Variants in AGBL4 observed in about 807,000 individuals in gnomAD.
The protein encoded by AGBL4 is AGBL carboxypeptidase 4, also known as cytosolic carboxypeptidase 6.
Under a neutral mutation model 66.4 loss-of-function variants are expected in AGBL4, and 58 were observed. The observed-to-expected ratio is 0.87, with a 90% CI of 0.71 to 1.09. The LOEUF (loss-of-function observed/expected upper bound fraction) is 1.09, where lower values mean the gene tolerates loss of function less well. AGBL4 is among the 50% of genes least tolerant of loss of function. AGBL4 has a pLI of 0.00. For synonymous variants in AGBL4, 234 were observed against 222.9 expected, an observed-to-expected ratio of 1.05 and a Z score of -0.44; for missense variants, 579 against 631.0, an observed-to-expected ratio of 0.92 and a Z score of 0.88.
chr1:48,705,670 G>A (rs1342177600), intron 6 of AGBL4, among the ~76,000 whole-genome samples: 2 of 152,138 alleles, frequency 1.3e-5, no homozygotes, highest in Non-Finnish European at 2.9e-5. Context: ...ACCTTCTTCT[G>A]CATCTCAGGC....
At chr1:49,509,181 G>A (rs1281795797) in intron 3 of AGBL4, among the ~76,000 whole-genome samples, 1 of 151,634 alleles carries the variant, frequency 6.6e-6, no homozygotes, top group Non-Finnish European at 1.5e-5. Context: ...CTTGAACGAC[G>A]GATTAGATTT....
chr1:49,970,756 C>CACAAAA (rs1557629090), intron 1 of AGBL4, among the ~76,000 whole-genome samples: 1 of 135,588 alleles, frequency 7.4e-6, no homozygotes, highest in African/African-American at 2.8e-5. Flanking sequence ...CATACACAAA[C>CACAAAA]AAAAAAAAAA....
intron 6 of AGBL4, among the ~76,000 whole-genome samples, chr1:48,696,909 C>A (rs968683460): frequency 1.4e-4 from 22 of 152,156 alleles, no homozygotes; most frequent in Non-Finnish European, 2.8e-4. Flanking sequence ...GGCCCCTCCT[C>A]CCTGAGGAAG....
intron 5 of AGBL4, among the ~76,000 whole-genome samples, chr1:48,946,801 C>T (rs973163650): frequency 4.6e-5 from 7 of 152,124 alleles, no homozygotes; most frequent in South Asian, 2.1e-4. Context: ...GCTGGGAGGG[C>T]TTGATAGCCC....
intron 5 of AGBL4, among the ~76,000 whole-genome samples, chr1:48,921,271 C>G (rs750279443): frequency 6.6e-6 from 1 of 152,138 alleles, no homozygotes; most frequent in Non-Finnish European, 1.5e-5. Context: ...AACATAGGAC[C>G]TTTGGCTGAA....
intron 2 of AGBL4, among the ~76,000 whole-genome samples, chr1:49,757,958 C>G (rs1277404248): frequency 6.6e-6 from 1 of 152,186 alleles, no homozygotes. Context: ...CAGAGACCTT[C>G]ACAGCATCCC....
intron 4 of AGBL4, among the ~76,000 whole-genome samples, chr1:49,073,972 C>T (rs950721973): frequency 8.5e-5 from 13 of 152,186 alleles, no homozygotes; most frequent in African/African-American, 2.9e-4. Flanking sequence ...TCTAGAGAGG[C>T]ACCTTGCTGA....
At position 48,599,441 on chromosome 1, in the gene AGBL4, C is replaced by T. The variant is rs145310077; in HGVS notation, c.952-8456G>A. ...TGCATTCCCCTAGGCCTTACAACAG[C>T]TGTGATGTCACCAGGTGACAGGAAT... On this transcript the variant is annotated intron_variant, in intron 9 of 13. Coordinates refer to ENST00000371839, the MANE Select transcript of AGBL4 (RefSeq NM_032785.4). 1.4e-4 allele frequency among the ~76,000 whole-genome samples: 21 copies of T among 152,298 alleles called. 1 individual carries two copies. The East Asian group carries it at 2.1e-3, about 15-fold the overall frequency.
At chr1:48,559,616 A>G (rs1456219680) in intron 11 of AGBL4, among the ~76,000 whole-genome samples, 1 of 152,188 alleles carries the variant, frequency 6.6e-6, no homozygotes, top group Non-Finnish European at 1.5e-5. Context: ...GGTATGTAGC[A>G]GGAACTCTAT....
chr1:48,557,017 TGAGCTCAG>T (rs1644331037), intron 11 of AGBL4, among the ~76,000 whole-genome samples: 1 of 152,120 alleles, frequency 6.6e-6, no homozygotes, highest in Non-Finnish European at 1.5e-5. Flanking sequence ...CACAAACTCC[TGAGCTCAG>T]GAGATCCTCC....
chr1:48,552,621 C>G (rs1261127442), intron 11 of AGBL4, among the ~76,000 whole-genome samples: 1 of 152,194 alleles, frequency 6.6e-6, no homozygotes, highest in African/African-American at 2.4e-5. Flanking sequence ...TAGATGTCAG[C>G]AGCACCCACC....
At chr1:49,376,278 A>T (rs1423175411) in intron 3 of AGBL4, among the ~76,000 whole-genome samples, 1 of 151,954 alleles carries the variant, frequency 6.6e-6, no homozygotes, top group Non-Finnish European at 1.5e-5. Flanking sequence ...TACTCCTCTC[A>T]GCCTGCTTGT....
intron 3 of AGBL4, among the ~76,000 whole-genome samples, chr1:49,329,728 A>G (rs1352537388): frequency 6.6e-6 from 1 of 150,740 alleles, no homozygotes; most frequent in Non-Finnish European, 1.5e-5. Context: ...TTCTTTGTCT[A>G]TCAAAATTCT....
intron 3 of AGBL4, among the ~76,000 whole-genome samples, chr1:49,615,808 C>T (rs1463835617): frequency 6.6e-6 from 1 of 152,042 alleles, no homozygotes; most frequent in Admixed American, 6.5e-5. Context: ...TTAATACTAC[C>T]TATGTGCAAA....
At chr1:49,151,668 CAG>C (rs1008494713) in intron 4 of AGBL4, among the ~76,000 whole-genome samples, 3 of 151,466 alleles carry the variant, frequency 2.0e-5, no homozygotes, top group African/African-American at 7.3e-5. Flanking sequence ...CGAAAAAAGA[CAG>C]AGAGAGGGTC....
At chr1:49,462,849 A>T (rs913475304) in intron 3 of AGBL4, among the ~76,000 whole-genome samples, 1 of 151,672 alleles carries the variant, frequency 6.6e-6, no homozygotes, top group Non-Finnish European at 1.5e-5. Context: ...GGACATATAA[A>T]CCTCAAGATC....
At chr1:49,710,515 C>T (rs915758881) in intron 2 of AGBL4, among the ~76,000 whole-genome samples, 5 of 152,062 alleles carry the variant, frequency 3.3e-5, no homozygotes, top group African/African-American at 1.2e-4. Flanking sequence ...TGCAGCAAAC[C>T]ACCATGGCCC....
At chr1:49,179,894 T>G (rs1165612079) in intron 4 of AGBL4, among the ~76,000 whole-genome samples, 2 of 151,886 alleles carry the variant, frequency 1.3e-5, no homozygotes, top group Non-Finnish European at 2.9e-5. Flanking sequence ...ACATCTTTAT[T>G]TTTTTTATTT....
rs1301085032 is a variant in AGBL4 at position 49,114,795 on chromosome 1, CA to C, written c.378-68996del. 3.9e-5 allele frequency among the ~76,000 whole-genome samples: 6 copies of C among 152,216 alleles called. No individual in the cohort carries two copies. The East Asian group carries it at 1.2e-3, about 29-fold the overall frequency. On this transcript the variant is annotated intron_variant, in intron 4 of 13. Transcript: ENST00000371839. ...GAGAAGGGCTGATCAGTGGAGCTTT[CA>C]GAACACATACAACATTTATCGATTA...
Sources: allele counts gnomAD v4.1 joint callset (sites outside exome capture counted in the v4.1 genomes callset), GRCh38; gene constraint gnomAD v4.1.1; transcripts MANE v1.5; gene names NCBI Gene and HGNC (gene_info 2026-07-23, HGNC 2026-07-21).